Variants in PLPPR5 observed in about 807,000 individuals in gnomAD.
PLPPR5 encodes the protein phospholipid phosphatase-related protein type 5.
In PLPPR5, 16 loss-of-function variants were observed where a neutral mutation model predicts 33.9. That is an observed-to-expected ratio of 0.47 (90% confidence interval 0.32 to 0.72). PLPPR5 has a LOEUF of 0.72. Among genes scored for constraint, PLPPR5 ranks in the 30% least tolerant of loss-of-function variants. PLPPR5 has a pLI of 0.03. For missense variants in PLPPR5, 301 were observed against 406.7 expected (o/e 0.74, Z 2.23); for synonymous variants, 163 against 150.3 (o/e 1.08, Z -0.62).
At chr1:98,920,955 G>A (rs1337209252) in intron 4 of PLPPR5, among the ~76,000 whole-genome samples, 1 of 152,020 alleles carries the variant, frequency 6.6e-6, no homozygotes, top group Non-Finnish European at 1.5e-5. Flanking sequence ...AGTTCAGGCT[G>A]TTTATTATAT....
chr1:98,922,111 G>T, intron 3 of PLPPR5, 53 bp from the exon 4 acceptor site: 1 of 1,514,678 alleles, frequency 6.6e-7, no homozygotes, highest in South Asian at 1.1e-5. Flanking sequence ...TCCTTTATTA[G>T]CATAGCATAT....
chr1:98,971,420 T>A (rs1651655063), intron 1 of PLPPR5, among the ~76,000 whole-genome samples: 1 of 152,048 alleles, frequency 6.6e-6, no homozygotes, highest in Non-Finnish European at 1.5e-5. Flanking sequence ...AAAGTATGAC[T>A]ACACTATCTC....
chr1:98,921,208 T>G (rs1649540348), intron 4 of PLPPR5, among the ~76,000 whole-genome samples: 1 of 152,228 alleles, frequency 6.6e-6, no homozygotes, highest in South Asian at 2.1e-4. Context: ...GAAGATTTTA[T>G]AATAAGAGTA....
intron 1 of PLPPR5, among the ~76,000 whole-genome samples, chr1:98,977,066 G>A (rs1651889412): frequency 6.6e-6 from 1 of 151,966 alleles, no homozygotes; most frequent in Non-Finnish European, 1.5e-5. Context: ...TGATATTCTA[G>A]TTGAAATATA....
intron 3 of PLPPR5, among the ~76,000 whole-genome samples, chr1:98,938,760 T>C (rs1286721952): frequency 1.3e-5 from 2 of 152,180 alleles, no homozygotes; most frequent in Admixed American, 6.5e-5. Context: ...ATAAAGAATA[T>C]GTAGCACATA....
rs1385762963 is a variant in PLPPR5 at position 98,953,069 on chromosome 1, C to T, written c.621+1G>A. ...ACAACAAATTTATAATCCTTACTTA[C>T]GGTCAGATACATAGCTGCATAGACA... is the stretch of plus-strand genomic sequence containing the variant. On this transcript the variant is annotated splice_donor_variant, in intron 3 of 5. Coordinates refer to ENST00000263177, the MANE Select transcript of PLPPR5 (RefSeq NM_001037317.2). LOFTEE classifies it high-confidence loss of function. The T allele has an allele frequency of 3.7e-6, 6 of 1,613,750 alleles. No individual in the cohort carries two copies. The highest frequency in any genetic ancestry group is 1.3e-5 in the African/African-American group (1 of 74,912).
At chr1:98,934,618 G>A (rs1188998375) in intron 3 of PLPPR5, among the ~76,000 whole-genome samples, 5 of 152,146 alleles carry the variant, frequency 3.3e-5, no homozygotes, top group African/African-American at 1.2e-4. Context: ...AGAAAGGAGA[G>A]ACATATAAAA....
intron 5 of PLPPR5, among the ~76,000 whole-genome samples, chr1:98,897,949 G>C (rs1648542106): frequency 6.6e-6 from 1 of 151,846 alleles, no homozygotes; most frequent in South Asian, 2.1e-4. Context: ...CAGCTAAAAA[G>C]GAAAGTTAAA....
chr1:98,961,112 A>C (rs1414325506), intron 1 of PLPPR5, among the ~76,000 whole-genome samples: 1 of 152,138 alleles, frequency 6.6e-6, no homozygotes, highest in African/African-American at 2.4e-5. Flanking sequence ...CGCACAGGGG[A>C]CAGACCTCCA....
chr1:98,906,645 A>G (rs895145759), intron 5 of PLPPR5, among the ~76,000 whole-genome samples: 1 of 152,204 alleles, frequency 6.6e-6, no homozygotes, highest in African/African-American at 2.4e-5. Context: ...CTAAGGAAGG[A>G]AATAGCTAAC....
intron 3 of PLPPR5, among the ~76,000 whole-genome samples, chr1:98,933,884 A>G (rs112513714): frequency 5.5e-4 from 83 of 152,290 alleles, no homozygotes; most frequent in African/African-American, 1.9e-3. Flanking sequence ...CTAAAGCTGG[A>G]GAATCATGGT....
intron 2 of PLPPR5, among the ~76,000 whole-genome samples, chr1:98,955,687 A>G (rs1017452478): frequency 6.6e-6 from 1 of 152,106 alleles, no homozygotes; most frequent in Non-Finnish European, 1.5e-5. Flanking sequence ...TCTATGCATA[A>G]TATCTTCAAA....
At chr1:98,967,516 C>T (rs914836382) in intron 1 of PLPPR5, among the ~76,000 whole-genome samples, 3 of 152,126 alleles carry the variant, frequency 2.0e-5, no homozygotes, top group African/African-American at 7.2e-5. Flanking sequence ...CTCACCAAAA[C>T]TTGCACAAAA....
intron 5 of PLPPR5, among the ~76,000 whole-genome samples, chr1:98,905,155 CT>C (rs1289371799): frequency 6.6e-6 from 1 of 152,090 alleles, no homozygotes; most frequent in Non-Finnish European, 1.5e-5. Flanking sequence ...CTTAAAGTCC[CT>C]TTATGGAAGG....
At chr1:98,962,988 C>T (rs879618516) in intron 1 of PLPPR5, among the ~76,000 whole-genome samples, 1 of 152,144 alleles carries the variant, frequency 6.6e-6, no homozygotes, top group Non-Finnish European at 1.5e-5. Context: ...GTCCTCATAG[C>T]TTGTGGATTA....
At chr1:99,003,160 G>A (rs1001811738) in intron 1 of PLPPR5, among the ~76,000 whole-genome samples, 2 of 146,018 alleles carry the variant, frequency 1.4e-5, no homozygotes, top group East Asian at 4.1e-4. Flanking sequence ...GCAATTTGAA[G>A]TCAACTATCA....
intron 1 of PLPPR5, among the ~76,000 whole-genome samples, chr1:98,975,694 C>A (rs1651824092): frequency 6.6e-6 from 1 of 151,998 alleles, no homozygotes; most frequent in Non-Finnish European, 1.5e-5. Flanking sequence ...GGGACCCATA[C>A]ACATGAACAT....
At chr1:98,950,146 G>T (rs959164647) in intron 3 of PLPPR5, among the ~76,000 whole-genome samples, 8 of 152,260 alleles carry the variant, frequency 5.3e-5, no homozygotes, top group African/African-American at 1.9e-4. Context: ...AGAAAAATTT[G>T]TGGTTCTATG....
chr1:98,990,143 T>C (rs945833891), intron 1 of PLPPR5, among the ~76,000 whole-genome samples: 3 of 152,064 alleles, frequency 2.0e-5, no homozygotes, highest in Non-Finnish European at 4.4e-5. Context: ...CCAAGGTGGG[T>C]GGATTACCTG....
Sources: gnomAD v4.1 joint callset for allele counts (sites outside exome capture counted in the v4.1 genomes callset) on GRCh38, gnomAD v4.1.1 for gene constraint, MANE v1.5 for transcripts, NCBI Gene and HGNC (gene_info 2026-07-23, HGNC 2026-07-21) for gene names.